FAM13A: variants seen among roughly 807,000 people sequenced by gnomAD.
FAM13A encodes the protein family with sequence similarity 13 member A, also known as protein FAM13A.
In FAM13A, 76 loss-of-function variants were observed where a neutral mutation model predicts 129.6. That is an observed-to-expected ratio of 0.59 (90% CI 0.49 to 0.71). The LOEUF is 0.71. FAM13A is among the 30% of genes least tolerant of loss of function. FAM13A has a pLI of 0.00. For missense variants in FAM13A, 1,108 were observed against 1,249.3 expected (o/e 0.89, Z 1.70); for synonymous variants, 443 against 449.9 (o/e 0.98, Z 0.20).
intron 8 of FAM13A, among the ~76,000 whole-genome samples, chr4:88,800,659 C>T (rs1449375877): frequency 8.4e-5 from 12 of 143,158 alleles, no homozygotes; most frequent in African/African-American, 2.6e-4. Context: ...CACTCCAGCC[C>T]GGGCGACAGA....
At position 88,790,622 on chromosome 4, in the gene FAM13A, T is replaced by G; in HGVS notation, c.1055A>C (p.His352Pro). 1 of 1,608,472 alleles carries G rather than the reference T, an allele frequency of 6.2e-7. No individual in the cohort carries two copies. Among genetic ancestry groups the G allele is most frequent in the Non-Finnish European group, 8.5e-7 (1 of 1,177,538 alleles). ...RPLSPFYLSA[H>P]VPQVSNVSAT... ...AGACACATTGCTGACTTGGGGTACA[T>G]GAGCACTGCAGAAAAGAAGCAAAGA... The change falls in exon 9 of 24, where the codon CAT becomes CCT. Residue 352 changes from histidine (H) to proline (P), a missense_variant. His to Pro is a moderately conservative substitution (Grantham distance 77). Transcript: ENST00000264344.
At chr4:88,984,729 A>G (rs912535922) in intron 4 of FAM13A, among the ~76,000 whole-genome samples, 1 of 152,118 alleles carries the variant, frequency 6.6e-6, no homozygotes, top group African/African-American at 2.4e-5. Context: ...CCATTTTCCT[A>G]TTAGGTCCTC....
At chr4:89,038,106 C>T (rs987764078) in intron 1 of FAM13A, among the ~76,000 whole-genome samples, 2 of 152,190 alleles carry the variant, frequency 1.3e-5, no homozygotes, top group African/African-American at 4.8e-5. Flanking sequence ...ATGGTATTGC[C>T]AGAACCTTTA....
At chr4:89,004,993 G>A (rs994743508) in intron 3 of FAM13A, among the ~76,000 whole-genome samples, 4 of 147,370 alleles carry the variant, frequency 2.7e-5, no homozygotes, top group African/African-American at 1.0e-4. Flanking sequence ...TTTTTTTTTG[G>A]TACAGATTAT....
At chr4:88,757,440 G>T (rs1219094636) in intron 14 of FAM13A, among the ~76,000 whole-genome samples, 1 of 151,900 alleles carries the variant, frequency 6.6e-6, no homozygotes, top group Non-Finnish European at 1.5e-5. Context: ...GGACTTTTTT[G>T]GGGGGAGGTG....
intron 4 of FAM13A, among the ~76,000 whole-genome samples, chr4:88,970,926 T>C (rs1759990890): frequency 6.6e-6 from 1 of 152,174 alleles, no homozygotes. Context: ...GCACAGAAGT[T>C]GGCCGGGTGC....
intron 14 of FAM13A, among the ~76,000 whole-genome samples, chr4:88,756,507 T>C (rs1469719658): frequency 1.3e-5 from 2 of 152,128 alleles, no homozygotes; most frequent in Admixed American, 6.5e-5. Flanking sequence ...GGTATGGGGA[T>C]GGGAAGGAGC....
chr4:88,952,742 G>C (rs1757134856), intron 4 of FAM13A, among the ~76,000 whole-genome samples: 1 of 152,074 alleles, frequency 6.6e-6, no homozygotes, highest in African/African-American at 2.4e-5. Flanking sequence ...GAGGTCGGGA[G>C]TTCAAGACCA....
intron 1 of FAM13A, among the ~76,000 whole-genome samples, chr4:89,054,308 C>T (rs932273395): frequency 4.0e-5 from 6 of 151,680 alleles, no homozygotes; most frequent in Admixed American, 6.6e-5. Context: ...GACACACACA[C>T]ACACACACAC....
chr4:88,860,619 C>CTG (rs898680497), intron 6 of FAM13A, among the ~76,000 whole-genome samples: 8 of 152,168 alleles, frequency 5.3e-5, no homozygotes, highest in African/African-American at 1.9e-4. Flanking sequence ...ACATTTGTAT[C>CTG]TGTGTGTATT....
chr4:88,852,547 GATA>G (rs1405174631), intron 6 of FAM13A, among the ~76,000 whole-genome samples: 3 of 152,084 alleles, frequency 2.0e-5, no homozygotes, highest in African/African-American at 7.2e-5. Context: ...CACATTGCCT[GATA>G]CTTTAATCTA....
intron 4 of FAM13A, 80 bp from the exon 5 acceptor site, chr4:88,938,321 A>T: frequency 9.2e-7 from 1 of 1,091,198 alleles, no homozygotes; most frequent in South Asian, 1.6e-5. Context: ...TTGTATTTTG[A>T]AATCTCCTGA....
chr4:88,788,688 T>C (rs1293538608), intron 9 of FAM13A, among the ~76,000 whole-genome samples: 1 of 152,132 alleles, frequency 6.6e-6, no homozygotes, highest in Non-Finnish European at 1.5e-5. Flanking sequence ...AAGGTGTGTA[T>C]ACCTTTTAGC....
chr4:89,041,712 G>A (rs990734713), intron 1 of FAM13A, among the ~76,000 whole-genome samples: 1 of 152,070 alleles, frequency 6.6e-6, no homozygotes, highest in Non-Finnish European at 1.5e-5. Context: ...CTTGAGCCCA[G>A]GAGTTCGAGA....
intron 3 of FAM13A, among the ~76,000 whole-genome samples, chr4:89,017,428 G>A (rs1342100010): frequency 6.6e-6 from 1 of 151,590 alleles, no homozygotes; most frequent in Non-Finnish European, 1.5e-5. Flanking sequence ...TAAAGAATAT[G>A]GCGACTCACA....
chr4:89,014,379 A>G lies in FAM13A; in HGVS notation c.427+6081T>C, dbSNP rs556319994. Among the ~76,000 whole-genome samples the G allele has an allele frequency of 1.6e-4, 24 of 152,344 alleles. No individual in the cohort carries two copies. In the South Asian group the frequency reaches 1.9e-3, roughly 12 times the overall value. On this transcript the variant is annotated intron_variant, in intron 3 of 23. Coordinates refer to ENST00000264344, the MANE Select transcript of FAM13A (RefSeq NM_014883.4). ...TGGGGAAATAATTCTTATTTTTTAA[A>G]AAGTATTTCTTAAATGTAAGTGTAC...
chr4:88,805,636 A>G (rs1348636761), intron 7 of FAM13A, among the ~76,000 whole-genome samples: 2 of 151,940 alleles, frequency 1.3e-5, no homozygotes, highest in Non-Finnish European at 2.9e-5. Flanking sequence ...CTCAAACAAC[A>G]CAGACAAAAT....
intron 10 of FAM13A, among the ~76,000 whole-genome samples, chr4:88,784,684 C>T (rs1416423959): frequency 6.6e-6 from 1 of 152,078 alleles, no homozygotes; most frequent in East Asian, 1.9e-4. Flanking sequence ...ATCAATTTTC[C>T]AGTTCACTGT....
chr4:88,989,343 C>T (rs987657560), intron 4 of FAM13A, among the ~76,000 whole-genome samples: 4 of 151,174 alleles, frequency 2.6e-5, no homozygotes, highest in East Asian at 4.0e-4. Flanking sequence ...GGCTCATGCC[C>T]GTAATCCCAG....
Sources: allele counts gnomAD v4.1 joint callset (sites outside exome capture counted in the v4.1 genomes callset), GRCh38; gene constraint gnomAD v4.1.1; transcripts MANE v1.5; gene names NCBI Gene and HGNC (gene_info 2026-07-23, HGNC 2026-07-21).